MACROD2: variants seen among roughly 807,000 people sequenced by gnomAD.
MACROD2 encodes mono-ADP ribosylhydrolase 2.
A neutral mutation model predicts 70.4 loss-of-function variants in MACROD2; 36 were observed. That is an observed-to-expected ratio of 0.51 (90% CI 0.39 to 0.68). The LOEUF (loss-of-function observed/expected upper bound fraction) is 0.68. Among genes scored for constraint, MACROD2 ranks in the 30% least tolerant of loss-of-function variants. The pLI, the probability that MACROD2 is intolerant of heterozygous loss-of-function variation, is 0.00. For synonymous variants in MACROD2, 172 were observed against 178.8 expected, an observed-to-expected ratio of 0.96 and a Z score of 0.30; for missense variants, 496 against 538.4, an observed-to-expected ratio of 0.92 and a Z score of 0.78.
chr20:14,472,441 G>C (rs1342139407), intron 3 of MACROD2, among the ~76,000 whole-genome samples: 1 of 152,092 alleles, frequency 6.6e-6, no homozygotes, highest in African/African-American at 2.4e-5. Context: ...GTACTACTAA[G>C]TGCATTAGTT....
At chr20:15,056,165 A>G (rs189141882) in intron 5 of MACROD2, among the ~76,000 whole-genome samples, 2 of 152,292 alleles carry the variant, frequency 1.3e-5, no homozygotes, top group East Asian at 3.9e-4. Context: ...ACTAACTGGA[A>G]GTCTGACATT....
chr20:14,154,552 A>ATTTT (rs869299523), intron 3 of MACROD2, among the ~76,000 whole-genome samples: 35 of 106,638 alleles, frequency 3.3e-4, no homozygotes, highest in South Asian at 6.2e-4. Context: ...CGCCCGGCTA[A>ATTTT]TTTTTTTTTT....
intron 3 of MACROD2, among the ~76,000 whole-genome samples, chr20:14,446,180 C>G (rs1269563968): frequency 2.0e-5 from 3 of 152,012 alleles, no homozygotes; most frequent in Non-Finnish European, 4.4e-5. Context: ...ATTCATAAGC[C>G]TCTGATGTGT....
chr20:14,112,067 G>C lies in MACROD2; in HGVS notation c.271+26339G>C, dbSNP rs547314335. Among the ~76,000 whole-genome samples, 7 of 152,104 alleles carry C rather than the reference G, an allele frequency of 4.6e-5. No individual in the cohort carries two copies. The East Asian group carries it at 1.2e-3, about 25-fold the overall frequency. On this transcript the variant is annotated intron_variant, in intron 3 of 17. Coordinates refer to ENST00000684519, the MANE Select transcript of MACROD2 (RefSeq NM_001351661.2). The stretch of plus-strand genomic sequence containing the variant: ...GAGATCCAGTCATTTGTAACAACAT[G>C]GATGGAACTGGAAATCGTTATATTA...
intron 5 of MACROD2, among the ~76,000 whole-genome samples, chr20:15,152,194 G>A (rs1279034243): frequency 2.0e-5 from 3 of 152,110 alleles, no homozygotes; most frequent in Non-Finnish European, 2.9e-5. Flanking sequence ...TTGTATTGGG[G>A]TCAAGCGGCA....
At chr20:15,428,090 G>T (rs1020678808) in intron 6 of MACROD2, among the ~76,000 whole-genome samples, 3 of 152,174 alleles carry the variant, frequency 2.0e-5, no homozygotes, top group African/African-American at 7.2e-5. Flanking sequence ...CAGCATCCAT[G>T]CCAGGAGTCA....
intron 3 of MACROD2, among the ~76,000 whole-genome samples, chr20:14,431,466 A>G (rs1334697414): frequency 1.3e-5 from 2 of 152,206 alleles, no homozygotes; most frequent in Non-Finnish European, 2.9e-5. Context: ...ATTTGCATAC[A>G]TATTTCACAA....
chr20:15,252,209 T>C (rs994093242), intron 6 of MACROD2, among the ~76,000 whole-genome samples: 1 of 152,238 alleles, frequency 6.6e-6, no homozygotes, highest in African/African-American at 2.4e-5. Context: ...AACAATTCCA[T>C]ATGTATTGCT....
At chr20:14,476,060 A>G (rs1385089771) in intron 3 of MACROD2, among the ~76,000 whole-genome samples, 2 of 152,154 alleles carry the variant, frequency 1.3e-5, no homozygotes, top group Non-Finnish European at 2.9e-5. Context: ...ACTTTAGAAG[A>G]GGTAAGTTGA....
intron 2 of MACROD2, among the ~76,000 whole-genome samples, chr20:14,041,635 T>G (rs757480402): frequency 1.3e-5 from 2 of 152,144 alleles, no homozygotes; most frequent in Admixed American, 1.3e-4. Flanking sequence ...CTGAAAACCA[T>G]TAGTATTGAA....
chr20:14,185,081 G>A (rs2209021), intron 3 of MACROD2, among the ~76,000 whole-genome samples: 73,514 of 151,874 alleles, frequency 0.48, 20,787 homozygotes, highest in Non-Finnish European at 0.62. Flanking sequence ...CATAGTAGAT[G>A]TGCCTGAAAC....
intron 3 of MACROD2, among the ~76,000 whole-genome samples, chr20:14,488,431 T>G (rs1409148867): frequency 6.6e-6 from 1 of 152,226 alleles, no homozygotes; most frequent in Non-Finnish European, 1.5e-5. Flanking sequence ...TTGCATTAGA[T>G]GCATTGCATA....
intron 10 of MACROD2, among the ~76,000 whole-genome samples, chr20:15,921,957 T>A (rs781050621): frequency 1.9e-4 from 29 of 152,228 alleles, no homozygotes; most frequent in Non-Finnish European, 3.5e-4. Flanking sequence ...GGGGCATGGA[T>A]GCCAGGGTAG....
intron 8 of MACROD2, among the ~76,000 whole-genome samples, chr20:15,841,314 G>T (rs942901125): frequency 2.6e-5 from 4 of 152,024 alleles, no homozygotes; most frequent in Non-Finnish European, 4.4e-5. Context: ...AGGATGGGGG[G>T]GTGTATTAGT....
chr20:14,580,563 G>A (rs994024612), intron 4 of MACROD2, among the ~76,000 whole-genome samples: 1 of 152,162 alleles, frequency 6.6e-6, no homozygotes, highest in Non-Finnish European at 1.5e-5. Flanking sequence ...CACTCCTGGT[G>A]ATAACATAAG....
At chr20:15,052,517 C>G (rs2075450394) in intron 5 of MACROD2, among the ~76,000 whole-genome samples, 1 of 152,118 alleles carries the variant, frequency 6.6e-6, no homozygotes. Flanking sequence ...AGTCAGTGAT[C>G]TTTGACATTA....
chr20:15,463,957 T>A (rs537352974), intron 7 of MACROD2, among the ~76,000 whole-genome samples: 2 of 152,288 alleles, frequency 1.3e-5, no homozygotes, highest in African/African-American at 4.8e-5. Flanking sequence ...CCTAGTCCCT[T>A]CTATGATTTT....
chr20:15,976,206 A>G (rs1278858497), intron 13 of MACROD2, among the ~76,000 whole-genome samples: 1 of 152,204 alleles, frequency 6.6e-6, no homozygotes, highest in East Asian at 1.9e-4. Flanking sequence ...ATGTCCCCAG[A>G]CCAATTTTTA....
At chr20:15,295,224 TC>T (rs1277461232) in intron 6 of MACROD2, among the ~76,000 whole-genome samples, 3 of 152,282 alleles carry the variant, frequency 2.0e-5, no homozygotes, top group Middle Eastern at 3.4e-3. Flanking sequence ...TTGTGAGTCC[TC>T]CCCAGTCATG....
Sources: gnomAD v4.1 joint callset for allele counts (sites outside exome capture counted in the v4.1 genomes callset) on GRCh38, gnomAD v4.1.1 for gene constraint, MANE v1.5 for transcripts, NCBI Gene and HGNC (gene_info 2026-07-23, HGNC 2026-07-21) for gene names.